Variants in TRABD2B observed in about 807,000 individuals in gnomAD.
The protein encoded by TRABD2B is metalloprotease TIKI2.
Under a neutral mutation model 40.1 loss-of-function variants are expected in TRABD2B, and 14 were observed. The ratio of observed to expected loss-of-function variants is 0.35; its 90% CI spans 0.23 to 0.55. The LOEUF (loss-of-function observed/expected upper bound fraction) is 0.55, where lower values mean the gene tolerates loss of function less well. TRABD2B is among the 20% of genes least tolerant of loss of function. The pLI is 0.90. For missense variants in TRABD2B, 541 were observed against 648.6 expected (o/e 0.83, Z 1.80); for synonymous variants, 263 against 277.0 (o/e 0.95, Z 0.50).
intron 2 of TRABD2B, among the ~76,000 whole-genome samples, chr1:47,823,221 A>C (rs1645134049): frequency 6.6e-6 from 1 of 152,268 alleles, no homozygotes; most frequent in African/African-American, 2.4e-5. Flanking sequence ...GGGGAGGCAG[A>C]CGGCAGAAAG....
chr1:47,871,744 T>C (rs1644143965), intron 2 of TRABD2B, among the ~76,000 whole-genome samples: 1 of 152,228 alleles, frequency 6.6e-6, no homozygotes, highest in African/African-American at 2.4e-5. Flanking sequence ...TTAAGGATCC[T>C]GGTGCTCTGA....
At chr1:47,815,934 T>C (rs1354260500) in intron 2 of TRABD2B, among the ~76,000 whole-genome samples, 1 of 152,214 alleles carries the variant, frequency 6.6e-6, no homozygotes, top group Non-Finnish European at 1.5e-5. Flanking sequence ...TTCACACATG[T>C]AACAAGCATA....
chr1:47,799,521 C>T (rs1029141064), intron 3 of TRABD2B, among the ~76,000 whole-genome samples: 1 of 152,218 alleles, frequency 6.6e-6, no homozygotes, highest in African/African-American at 2.4e-5. Flanking sequence ...CACATGCCTA[C>T]ATTTGCTCGG....
chr1:47,784,945 A>G (rs1268506617), intron 4 of TRABD2B, among the ~76,000 whole-genome samples: 3 of 152,222 alleles, frequency 2.0e-5, no homozygotes, highest in Non-Finnish European at 4.4e-5. Context: ...CTCACAGGAC[A>G]GCATGAGCCA....
At chr1:47,978,419 C>G (rs1645791206) in intron 2 of TRABD2B, among the ~76,000 whole-genome samples, 1 of 151,782 alleles carries the variant, frequency 6.6e-6, no homozygotes, top group Non-Finnish European at 1.5e-5. Flanking sequence ...GCTCTAAGGC[C>G]AAGGAGCGAT....
chr1:47,902,440 G>T (rs1319386922), intron 2 of TRABD2B, among the ~76,000 whole-genome samples: 5 of 152,078 alleles, frequency 3.3e-5, no homozygotes, highest in African/African-American at 1.2e-4. Flanking sequence ...GGCTCTTTAG[G>T]ATCCACAGTG....
intron 2 of TRABD2B, among the ~76,000 whole-genome samples, chr1:47,868,421 A>G (rs771980914): frequency 2.6e-5 from 4 of 152,186 alleles, no homozygotes; most frequent in Admixed American, 6.5e-5. Context: ...GGGGTCCCCA[A>G]TCCTGGGTCA....
chr1:47,812,697 C>A (rs1644981489), intron 2 of TRABD2B, among the ~76,000 whole-genome samples: 1 of 151,942 alleles, frequency 6.6e-6, no homozygotes, highest in African/African-American at 2.4e-5. Context: ...GCAGCCTGGG[C>A]AACAGAGTGA....
At chr1:47,803,774 C>G (rs1404818475) in intron 2 of TRABD2B, among the ~76,000 whole-genome samples, 26 of 152,220 alleles carry the variant, frequency 1.7e-4, no homozygotes, top group Non-Finnish European at 2.9e-5. Context: ...CAGCACTGTG[C>G]CTGGTGAAGA....
chr1:47,773,615 C>G (rs1212470579), intron 6 of TRABD2B, among the ~76,000 whole-genome samples: 2 of 152,210 alleles, frequency 1.3e-5, no homozygotes, highest in Non-Finnish European at 1.5e-5. Context: ...TGCCTGCTGC[C>G]ATGTAAGATG....
chr1:47,806,915 C>A (rs1644900166), intron 2 of TRABD2B, among the ~76,000 whole-genome samples: 1 of 152,150 alleles, frequency 6.6e-6, no homozygotes, highest in Non-Finnish European at 1.5e-5. Flanking sequence ...TGGCTCTCAG[C>A]TTGCAAGTCT....
intron 2 of TRABD2B, among the ~76,000 whole-genome samples, chr1:47,805,680 G>A (rs964607715): frequency 6.6e-6 from 1 of 152,174 alleles, no homozygotes; most frequent in Non-Finnish European, 1.5e-5. Context: ...AATTTATAAA[G>A]AAGTCTTCAT....
intron 6 of TRABD2B, among the ~76,000 whole-genome samples, chr1:47,773,814 C>T (rs1367230703): frequency 1.3e-5 from 2 of 152,192 alleles, no homozygotes; most frequent in African/African-American, 2.4e-5. Flanking sequence ...ACCCAAGGTT[C>T]TCTGAAACCA....
chr1:47,967,418 G>A (rs555309565), intron 2 of TRABD2B, among the ~76,000 whole-genome samples: 2 of 151,574 alleles, frequency 1.3e-5, no homozygotes, highest in African/African-American at 4.8e-5. Flanking sequence ...GCAACTTCCC[G>A]TATCCAGAAC....
intron 2 of TRABD2B, among the ~76,000 whole-genome samples, chr1:47,815,614 A>T (rs921263038): frequency 4.6e-5 from 7 of 152,140 alleles, no homozygotes; most frequent in Non-Finnish European, 1.0e-4. Context: ...TCCTCCAAGA[A>T]GGCCTTCCCT....
intron 2 of TRABD2B, among the ~76,000 whole-genome samples, chr1:47,981,097 C>T (rs1164066857): frequency 6.6e-6 from 1 of 152,098 alleles, no homozygotes. Context: ...CAACCTCTGC[C>T]TCCAGGGTTC....
At chr1:47,816,133 CCT>C (rs886833086) in intron 2 of TRABD2B, among the ~76,000 whole-genome samples, 1 of 152,038 alleles carries the variant, frequency 6.6e-6, no homozygotes, top group African/African-American at 2.4e-5. Context: ...ACCCCCTTCC[CCT>C]CTCTCTCTTT....
intron 4 of TRABD2B, among the ~76,000 whole-genome samples, chr1:47,782,125 G>A (rs757730671): frequency 1.3e-5 from 2 of 152,062 alleles, no homozygotes; most frequent in African/African-American, 4.8e-5. Flanking sequence ...TTTGTCCAGC[G>A]ACCTACTGGG....
chr1:47,928,471 T>A (rs1644997960), intron 2 of TRABD2B, among the ~76,000 whole-genome samples: 1 of 152,364 alleles, frequency 6.6e-6, no homozygotes, highest in East Asian at 1.9e-4. Flanking sequence ...TGCCTTCATC[T>A]GCACTCCACA....
Sources: allele counts gnomAD v4.1 joint callset (sites outside exome capture counted in the v4.1 genomes callset), GRCh38; gene constraint gnomAD v4.1.1; transcripts MANE v1.5; gene names NCBI Gene and HGNC (gene_info 2026-07-23, HGNC 2026-07-21).